HPCAL1: variants seen among roughly 807,000 people sequenced by gnomAD.
HPCAL1 encodes the protein hippocalcin like 1.
Under a neutral mutation model 17.1 loss-of-function variants are expected in HPCAL1, and 8 were observed. That is an observed-to-expected ratio of 0.47 (90% CI 0.27 to 0.84). The LOEUF is 0.84. HPCAL1 is among the 40% of genes least tolerant of loss of function. The pLI is 0.13. For synonymous variants in HPCAL1, 112 were observed against 111.4 expected (o/e 1.01, Z -0.03); for missense variants, 165 against 271.1 (o/e 0.61, Z 2.75).
chr2:10,386,203 A>AT (rs1668300776), intron 1 of HPCAL1, among the ~76,000 whole-genome samples: 1 of 152,078 alleles, frequency 6.6e-6, no homozygotes, highest in Admixed American at 6.5e-5. Context: ...CTGGGCCACC[A>AT]TGTTGATCCT....
At chr2:10,416,707 T>C (rs1670695402) in intron 2 of HPCAL1, among the ~76,000 whole-genome samples, 1 of 152,132 alleles carries the variant, frequency 6.6e-6, no homozygotes, top group African/African-American at 2.4e-5. Flanking sequence ...TTCCCTTTTT[T>C]TTTTTTTCCA....
At chr2:10,324,651 C>T (rs1663877474) in intron 1 of HPCAL1, among the ~76,000 whole-genome samples, 2 of 151,440 alleles carry the variant, frequency 1.3e-5, no homozygotes, top group African/African-American at 2.4e-5. Context: ...CCTGCCTTAC[C>T]GGTTCTAGCA....
intron 4 of HPCAL1, chr2:10,425,971 G>C (rs971603599): frequency 1.3e-5 from 2 of 152,228 alleles, no homozygotes; most frequent in Admixed American, 6.5e-5. Context: ...CAGGGCTATA[G>C]TGACCACAGT....
At chr2:10,405,023 G>C (rs535201843) in intron 2 of HPCAL1, among the ~76,000 whole-genome samples, 50 of 152,328 alleles carry the variant, frequency 3.3e-4, no homozygotes, top group African/African-American at 1.2e-3. Context: ...CATCTGACTG[G>C]TGCTTTCCAG....
At position 10,423,100 on chromosome 2, in the gene HPCAL1, T is replaced by TG. The variant is rs768503954; in HGVS notation, c.484+17dup. On this transcript the variant is annotated intron_variant, in intron 4 of 4. Coordinates refer to ENST00000307845, the MANE Select transcript of HPCAL1 (RefSeq NM_002149.4). The stretch of plus-strand genomic sequence containing the variant: ...CACCAACAATGACGGTAGTGCGGGG[T>TG]GGGGGCGGGGCTGCATGTGTACGCC... 10 of 1,553,218 alleles carry TG rather than the reference T, an allele frequency of 6.4e-6. No individual in the cohort carries two copies. The East Asian group carries it at 2.0e-4, about 31-fold the overall frequency.
intron 1 of HPCAL1, among the ~76,000 whole-genome samples, chr2:10,334,708 CAG>C (rs1664609939): frequency 1.0e-5 from 1 of 99,806 alleles, no homozygotes. Context: ...TTTTTTGAGG[CAG>C]GGTCTCGCTC....
Position 10,354,546 on chromosome 2 carries a change from A to G in HPCAL1, c.-110-42289A>G, listed in dbSNP as rs965543234. On this transcript the variant is annotated intron_variant, in intron 1 of 4. Coordinates refer to ENST00000307845, the MANE Select transcript of HPCAL1 (RefSeq NM_002149.4). This position sits in a 1 kb window ranked among gnomAD's most constrained non-coding sequence, Gnocchi z 5.1. Reference sequence around the variant, plus strand: ...GGTGTCCTGGGTTGGTTTGTTTTACAGAAGCAGAGCTCCCAGGGCTCATCG... The same window carrying G: ...GGTGTCCTGGGTTGGTTTGTTTTACGGAAGCAGAGCTCCCAGGGCTCATCG... Among the ~76,000 whole-genome samples the G allele has an allele frequency of 6.6e-6, 1 of 152,234 alleles. No individual in the cohort carries two copies. The highest frequency in any genetic ancestry group is 2.4e-5 in the African/African-American group (1 of 41,462).
At chr2:10,327,845 T>A (rs1664110623) in intron 1 of HPCAL1, among the ~76,000 whole-genome samples, 1 of 152,224 alleles carries the variant, frequency 6.6e-6, no homozygotes, top group South Asian at 2.1e-4. Context: ...CTGCAGACAG[T>A]GGTAACATTA....
chr2:10,407,670 C>T (rs542820841), intron 2 of HPCAL1, among the ~76,000 whole-genome samples: 6 of 152,224 alleles, frequency 3.9e-5, no homozygotes, highest in South Asian at 2.1e-4. Flanking sequence ...GGTTTCCCCA[C>T]GACTGTTGAG....
chr2:10,343,154 C>G lies in HPCAL1; in HGVS notation c.-111+39977C>G, dbSNP rs535723196. On this transcript the variant is annotated intron_variant, in intron 1 of 4. Coordinates refer to ENST00000307845, the MANE Select transcript of HPCAL1 (RefSeq NM_002149.4). This position sits in a 1 kb window ranked among gnomAD's most constrained non-coding sequence, Gnocchi z 4.8. ...TGCACTGGCAAGCCGTGCACTGTCA[C>G]AATATTAAAATAACTTCCATGGTAG... 6.6e-6 allele frequency among the ~76,000 whole-genome samples: 1 copy of G among 152,322 alleles called. No individual in the cohort carries two copies. Among genetic ancestry groups the G allele is most frequent in the Admixed American group, 6.5e-5 (1 of 15,312 alleles).
intron 1 of HPCAL1, chr2:10,368,818 A>G (rs1667027087): frequency 3.3e-5 from 5 of 152,182 alleles, no homozygotes; most frequent in Admixed American, 3.3e-4. Context: ...CAGCTCCAAA[A>G]TGGCATTTCA....
At chr2:10,319,976 G>T (rs1420966355) in intron 1 of HPCAL1, among the ~76,000 whole-genome samples, 1 of 152,046 alleles carries the variant, frequency 6.6e-6, no homozygotes, top group African/African-American at 2.4e-5. Context: ...GTCATTTGAG[G>T]AGAGGAGCAT....
chr2:10,313,301 C>T (rs1314402214), intron 1 of HPCAL1, among the ~76,000 whole-genome samples: 2 of 152,172 alleles, frequency 1.3e-5, no homozygotes, highest in African/African-American at 2.4e-5. Flanking sequence ...GGTGGTAGGC[C>T]ACTTTAGGTA....
intron 1 of HPCAL1, among the ~76,000 whole-genome samples, chr2:10,336,023 A>G (rs1290670457): frequency 6.6e-6 from 1 of 151,682 alleles, no homozygotes; most frequent in Non-Finnish European, 1.5e-5. Flanking sequence ...GGTGTAAATT[A>G]ATTGCATGTT....
At position 10,377,927 on chromosome 2, in the gene HPCAL1, C is replaced by T. The variant is rs999823561; in HGVS notation, c.-110-18908C>T. ...CATTTCAGAGAGTGCAAGGAGGCGG[C>T]GAAGATGCTGGTTGAGGGCACGGGT... On this transcript the variant is annotated intron_variant, in intron 1 of 4. Coordinates refer to ENST00000307845, the MANE Select transcript of HPCAL1 (RefSeq NM_002149.4). The surrounding 1 kb of genome is among the most constrained non-coding windows in gnomAD (Gnocchi z 5.9). 6.0e-5 allele frequency among the ~76,000 whole-genome samples: 9 copies of T among 151,220 alleles called. No homozygotes were observed. The highest frequency in any genetic ancestry group is 1.7e-4 in the African/African-American group (7 of 41,124).
chr2:10,416,565 C>T (rs1171589986), intron 2 of HPCAL1, among the ~76,000 whole-genome samples: 1 of 152,156 alleles, frequency 6.6e-6, no homozygotes, highest in Non-Finnish European at 1.5e-5. Context: ...ACTTTGGGGC[C>T]AGGAGTTCGA....
rs1042846270 is a variant in HPCAL1 at position 10,411,984 on chromosome 2, G to T, written c.-24-7750G>T. Among the ~76,000 whole-genome samples the T allele has an allele frequency of 5.9e-5, 9 of 152,308 alleles. 1 individual carries two copies. The South Asian group carries it at 1.9e-3, about 32-fold the overall frequency. On this transcript the variant is annotated intron_variant, in intron 2 of 4. Transcript: ENST00000307845. The stretch of plus-strand genomic sequence containing the variant: ...CAAGCTTTGGAGATGGGGCTGGGGT[G>T]GGGGTGGTTACCTGACCGCTGAGTC...
At chr2:10,418,462 A>G (rs1004965341) in intron 2 of HPCAL1, among the ~76,000 whole-genome samples, 1 of 150,896 alleles carries the variant, frequency 6.6e-6, no homozygotes, top group Non-Finnish European at 1.5e-5. Flanking sequence ...AAAAAAAAAA[A>G]AAAAAAAAAC....
chr2:10,348,256 C>G (rs1404440889), intron 1 of HPCAL1, among the ~76,000 whole-genome samples: 1 of 152,094 alleles, frequency 6.6e-6, no homozygotes, highest in East Asian at 1.9e-4. Flanking sequence ...TCAAGACCAG[C>G]CTGCCAACAT....
Sources: gnomAD v4.1 joint callset for allele counts (sites outside exome capture counted in the v4.1 genomes callset) on GRCh38, gnomAD v4.1.1 for gene constraint, Gnocchi (gnomAD v3.1) non-coding constraint, MANE v1.5 for transcripts, NCBI Gene and HGNC (gene_info 2026-07-23, HGNC 2026-07-21) for gene names.